Variants in LIMD1 observed in about 807,000 individuals in gnomAD.
The protein encoded by LIMD1 is LIM domain-containing protein 1.
A neutral mutation model predicts 58.4 loss-of-function variants in LIMD1; 23 were observed. The ratio of observed to expected loss-of-function variants is 0.39; its 90% CI spans 0.28 to 0.56. The LOEUF (loss-of-function observed/expected upper bound fraction) is 0.56, where lower values mean the gene tolerates loss of function less well. Ranked by LOEUF, LIMD1 falls within the 20% of genes least tolerant of loss-of-function variation. The pLI is 0.57. For missense variants in LIMD1, 838 were observed against 855.5 expected (o/e 0.98, Z 0.25); for synonymous variants, 334 against 345.5 (o/e 0.97, Z 0.37).
chr3:45,661,807 G>A (rs1387147001), intron 2 of LIMD1, among the ~76,000 whole-genome samples: 2 of 152,226 alleles, frequency 1.3e-5, no homozygotes, highest in Non-Finnish European at 2.9e-5. Context: ...TGCCCAGGCT[G>A]GCGTGCACAG....
chr3:45,598,702 G>A (rs77409319), intron 1 of LIMD1, among the ~76,000 whole-genome samples: 2 of 152,208 alleles, frequency 1.3e-5, no homozygotes, highest in South Asian at 4.1e-4. Flanking sequence ...GGGGCTGGGG[G>A]TGGCAGAGAG....
intron 1 of LIMD1, among the ~76,000 whole-genome samples, chr3:45,627,706 C>CAA (rs35897504): frequency 0.069 from 6,685 of 97,082 alleles, 396 homozygotes; most frequent in African/African-American, 0.14. Flanking sequence ...CTAAAACAAC[C>CAA]AAAAAAAAAA....
At position 45,595,479 on chromosome 3, in the gene LIMD1, C is replaced by T. The variant is rs1039737755; in HGVS notation, c.600C>T (p.Ile200=). The T allele has an allele frequency of 8.7e-6, 14 of 1,613,876 alleles. No homozygotes were observed. Among genetic ancestry groups the T allele is most frequent in the Admixed American group, 3.3e-5 (2 of 60,004 alleles). ...ACAAACCAGGAGTGTCCCCCAGCAT[C>T]GGCCTGAGTGTAGGGAGTGGGTGGC... ...WGDKPGVSPS[I]GLSVGSGWPS... is the part of the protein sequence containing the mutation. Residue 200 remains isoleucine (I), a synonymous_variant, in exon 1 of 8, where the codon ATC becomes ATT. Transcript: ENST00000273317.
chr3:45,595,866 C>G lies in LIMD1; in HGVS notation c.987C>G (p.Pro329=), dbSNP rs780634682. The G allele has an allele frequency of 1.2e-6, 2 of 1,614,212 alleles. No individual in the cohort carries two copies. The highest frequency in any genetic ancestry group is 2.2e-5 in the South Asian group (2 of 91,082). Residue 329 remains proline (P), a synonymous_variant, in exon 1 of 8, where the codon CCC becomes CCG. Transcript: ENST00000273317. ...AGGTTTCAGGTGTGATGTCCAAACC[C>G]AATGTGGACCCCCAACCCTGGTTCC... is the stretch of plus-strand genomic sequence containing the variant. The part of the protein sequence containing the change: ...GGEVSGVMSK[P]NVDPQPWFQD...
intron 1 of LIMD1, among the ~76,000 whole-genome samples, chr3:45,626,823 G>A (rs1480758413): frequency 6.6e-6 from 1 of 151,162 alleles, no homozygotes; most frequent in African/African-American, 2.4e-5. Context: ...GGCTGTGCAT[G>A]TGTGAGGAAG....
Position 45,654,812 on chromosome 3 carries a change from C to CAAA in LIMD1, c.1511-10818_1511-10816dup, listed in dbSNP as rs1227980901. On this transcript the variant is annotated intron_variant, in intron 2 of 7. Transcript: ENST00000273317. ...TGGGTGACAGAGTAAGACCCTGTCT[C>CAAA]AAAAAAAAAAAAAAAAAAAAAAGAA... 2.0e-3 allele frequency among the ~76,000 whole-genome samples: 111 copies of CAAA among 56,432 alleles called. 2 individuals carry two copies. Among genetic ancestry groups the CAAA allele is most frequent in the Non-Finnish European group, 2.9e-3 (73 of 25,508 alleles). 37.0% of individuals were successfully genotyped at this position (56,432 alleles called of 152,430 possible). A position where few individuals can be genotyped will look rare whatever the true frequency, so the allele number is the denominator to read the frequency against.
chr3:45,663,956 C>T (rs548004866), intron 2 of LIMD1, among the ~76,000 whole-genome samples: 13 of 148,654 alleles, frequency 8.7e-5, no homozygotes, highest in Admixed American at 2.8e-4. Flanking sequence ...CTGCAACCTC[C>T]GCCTCCTAGG....
chr3:45,658,945 A>G (rs1225377553), intron 2 of LIMD1, among the ~76,000 whole-genome samples: 3 of 152,020 alleles, frequency 2.0e-5, no homozygotes, highest in African/African-American at 7.2e-5. Context: ...GAATTTCTTT[A>G]TATAGTTGAG....
intron 2 of LIMD1, among the ~76,000 whole-genome samples, chr3:45,643,300 T>C (rs147570649): frequency 0.03 from 4,610 of 151,946 alleles, 77 homozygotes; most frequent in Non-Finnish European, 0.041. Flanking sequence ...GCCTGGGCAA[T>C]GTGGCAAAAC....
intron 2 of LIMD1, among the ~76,000 whole-genome samples, chr3:45,646,864 C>G (rs1285373909): frequency 1.3e-5 from 2 of 152,098 alleles, no homozygotes; most frequent in Non-Finnish European, 2.9e-5. Flanking sequence ...TGGAGTCCCA[C>G]TATGTTGCCC....
rs76081760 is a variant in LIMD1 at position 45,647,473 on chromosome 3, A to G, written c.1510+11222A>G. Among the ~76,000 whole-genome samples the G allele has an allele frequency of 5.1e-3, 779 of 152,274 alleles. 3 individuals carry two copies. The highest frequency in any genetic ancestry group is 0.011 in the African/African-American group (449 of 41,546). ...TCAGCCTGGGGGTCCGGCAAATCCAATGCCTGGCCAGAGGATGCAGGCCCT... is the reference window on the plus strand; with the variant it reads ...TCAGCCTGGGGGTCCGGCAAATCCAGTGCCTGGCCAGAGGATGCAGGCCCT... On this transcript the variant is annotated intron_variant, in intron 2 of 7. Coordinates refer to ENST00000273317, the MANE Select transcript of LIMD1 (RefSeq NM_014240.3).
chr3:45,672,436 C>T (rs1393778600), intron 4 of LIMD1, among the ~76,000 whole-genome samples: 1 of 152,198 alleles, frequency 6.6e-6, no homozygotes, highest in Non-Finnish European at 1.5e-5. Context: ...AAGGAGCCCT[C>T]TTTCCCTGCC....
rs757953172 is a variant in LIMD1, at chr3:45,673,500, C to T, written c.1819C>T (p.Pro607Ser). 75 of 1,613,426 alleles carry T rather than the reference C, an allele frequency of 4.6e-5. No individual in the cohort carries two copies. Among genetic ancestry groups the T allele is most frequent in the Non-Finnish European group, 6.1e-5 (72 of 1,179,444 alleles). Residue 607 changes from proline to serine, a missense_variant, in exon 6 of 8, where the codon CCT becomes TCT. By Grantham distance (74) the Pro-to-Ser change is moderately conservative. Transcript: ENST00000273317. ...AGCCTGTGGGCTTCCCATCCTTCCA[C>T]CTGAGGTAAGATGCCCTTCCAGACA... ...CAACGLPILP[P>S]EGSDETIRVV...
At chr3:45,653,699 C>G (rs1318958588) in intron 2 of LIMD1, among the ~76,000 whole-genome samples, 2 of 152,086 alleles carry the variant, frequency 1.3e-5, no homozygotes, top group East Asian at 3.9e-4. Context: ...CACCTGAGGT[C>G]AGGAATTCAA....
intron 1 of LIMD1, among the ~76,000 whole-genome samples, chr3:45,597,077 T>A (rs559271514): frequency 2.0e-5 from 3 of 151,864 alleles, no homozygotes; most frequent in Non-Finnish European, 2.9e-5. Flanking sequence ...AGCCAGGATG[T>A]TCTCAATCTC....
chr3:45,666,708 A>G (rs1012245432), intron 3 of LIMD1, among the ~76,000 whole-genome samples: 4 of 152,146 alleles, frequency 2.6e-5, no homozygotes, highest in African/African-American at 9.7e-5. Flanking sequence ...TCTGCTTACA[A>G]GTCTCTCCTC....
intron 1 of LIMD1, among the ~76,000 whole-genome samples, chr3:45,633,598 T>G (rs759702378): frequency 5.9e-5 from 9 of 152,216 alleles, no homozygotes; most frequent in Non-Finnish European, 1.0e-4. Context: ...GGGTACCCTC[T>G]GTATAATTCC....
At chr3:45,636,628 A>G (rs1701791735) in intron 2 of LIMD1, among the ~76,000 whole-genome samples, 1 of 152,214 alleles carries the variant, frequency 6.6e-6, no homozygotes, top group Non-Finnish European at 1.5e-5. Flanking sequence ...CCAGCCAACC[A>G]AAAGTGATTA....
rs371920758 is a variant in LIMD1 at position 45,674,417 on chromosome 3, C to A, written c.1893+6C>A. On this transcript the variant is annotated splice_donor_region_variant and intron_variant, in intron 7 of 7. Transcript: ENST00000273317. ...TGGAGTGTTACCACTGCGAGGTAGA[C>A]CCCTCCCCACCCAGCCCCCAAAGCC... The A allele has an allele frequency of 6.2e-7, 1 of 1,608,048 alleles. No homozygotes were observed. Among genetic ancestry groups the A allele is most frequent in the Non-Finnish European group, 8.5e-7 (1 of 1,174,870 alleles).
Sources: allele counts gnomAD v4.1 joint callset (sites outside exome capture counted in the v4.1 genomes callset), GRCh38; gene constraint gnomAD v4.1.1; transcripts MANE v1.5; gene names NCBI Gene and HGNC (gene_info 2026-07-23, HGNC 2026-07-21).